ARHGEF10L: variants seen among roughly 807,000 people sequenced by gnomAD.
ARHGEF10L encodes Rho guanine nucleotide exchange factor 10 like.
A neutral mutation model predicts 141.2 loss-of-function variants in ARHGEF10L; 69 were observed. The observed-to-expected ratio is 0.49, with a 90% CI of 0.40 to 0.60. The LOEUF is 0.60. ARHGEF10L is among the 20% of genes least tolerant of loss of function. The pLI, the probability that ARHGEF10L is intolerant of heterozygous loss-of-function variation, is 0.00. For synonymous variants in ARHGEF10L, 711 were observed against 718.5 expected (o/e 0.99, Z 0.17); for missense variants, 1,482 against 1,734.3 (o/e 0.85, Z 2.58).
intron 21 of ARHGEF10L, among the ~76,000 whole-genome samples, chr1:17,643,597 G>C (rs910493219): frequency 1.3e-5 from 2 of 152,202 alleles, no homozygotes; most frequent in Non-Finnish European, 2.9e-5. Flanking sequence ...AGACCATGTG[G>C]GTTCCGTTCC....
the ARHGEF10L span, among the ~76,000 whole-genome samples, chr1:17,524,823 T>C: frequency 6.6e-6 from 1 of 152,106 alleles, no homozygotes. Flanking sequence ...CGAGAAGCAG[T>C]GAACAGGTTT....
Position 17,632,476 on chromosome 1 carries a change from C to T in ARHGEF10L, c.1730+10C>T, listed in dbSNP as rs370876753. On this transcript the variant is annotated intron_variant, in intron 16 of 28. Transcript: ENST00000361221. ...CCAACATCAACTTCAAGTAAGTGGG[C>T]CTGGGTTGGAGGGGGCAATCACCCC... The T allele has an allele frequency of 3.7e-6, 6 of 1,613,854 alleles. No homozygotes were observed. In the African/African-American group the frequency reaches 8.0e-5, roughly 22 times the overall value.
Position 17,603,704 on chromosome 1 carries a change from T to A in ARHGEF10L, c.433+113T>A. On this transcript the variant is annotated intron_variant, in intron 6 of 28. Coordinates refer to ENST00000361221, the MANE Select transcript of ARHGEF10L (RefSeq NM_018125.4). The surrounding 1 kb of genome is among the most constrained non-coding windows in gnomAD (Gnocchi z 4.8). Reference sequence around the variant, plus strand: ...CTGTCCCCACCTGGCCAAGTGCCCCTCCTTCTTGTCTTTAGAAACAACTGT... The same window carrying A: ...CTGTCCCCACCTGGCCAAGTGCCCCACCTTCTTGTCTTTAGAAACAACTGT... The A allele has an allele frequency of 2.1e-6, 2 of 939,416 alleles. No individual in the cohort carries two copies. Among genetic ancestry groups the A allele is most frequent in the Non-Finnish European group, 3.1e-6 (2 of 654,470 alleles). The allele number at this position is 939,416 out of a possible 1,614,324, so 58.2% of individuals were successfully genotyped here.
chr1:17,697,646 C>T lies in ARHGEF10L; in HGVS notation c.*266C>T. 1 of 610,738 alleles carries T rather than the reference C, an allele frequency of 1.6e-6. No homozygotes were observed. Among genetic ancestry groups the T allele is most frequent in the Non-Finnish European group, 3.0e-6 (1 of 328,164 alleles). The allele number at this position is 610,738 out of a possible 1,614,324, so 37.8% of individuals were successfully genotyped here. Reference sequence around the variant, plus strand: ...CAAAAAACACAAAACCTCACAACTGCCTGGCAAGCCCAGTATCACTTGTTT... The same window carrying T: ...CAAAAAACACAAAACCTCACAACTGTCTGGCAAGCCCAGTATCACTTGTTT... On this transcript the variant is annotated 3_prime_UTR_variant, in exon 29 of 29. Transcript: ENST00000361221. The surrounding 1 kb of genome is among the most constrained non-coding windows in gnomAD (Gnocchi z 4.8).
At chr1:17,681,725 G>GGATC (rs1452474320) in intron 26 of ARHGEF10L, among the ~76,000 whole-genome samples, 2 of 152,178 alleles carry the variant, frequency 1.3e-5, no homozygotes, top group African/African-American at 4.8e-5. Context: ...AGCGTCGGCT[G>GGATC]GATCTCTCCT....
intron 28 of ARHGEF10L, among the ~76,000 whole-genome samples, 164 bp downstream of exon 28, chr1:17,695,444 C>T (rs901696730): frequency 2.6e-5 from 4 of 152,216 alleles, no homozygotes; most frequent in South Asian, 2.1e-4. Context: ...AGAACTGAAT[C>T]GTCCTGGCCC....
chr1:17,667,033 C>T (rs2063027848), intron 26 of ARHGEF10L, among the ~76,000 whole-genome samples: 1 of 152,188 alleles, frequency 6.6e-6, no homozygotes, highest in African/African-American at 2.4e-5. Flanking sequence ...CCCAGTAGCC[C>T]CCAAGTGTCT....
upstream of ARHGEF10L, among the ~76,000 whole-genome samples, chr1:17,535,470 G>C (rs1347703081): frequency 2.0e-5 from 3 of 152,236 alleles, no homozygotes; most frequent in African/African-American, 4.8e-5. Context: ...AGCGGGGCCA[G>C]ACTGGGAGGC....
intron 25 of ARHGEF10L, among the ~76,000 whole-genome samples, chr1:17,661,807 C>T (rs1571346814): frequency 6.6e-6 from 1 of 152,358 alleles, no homozygotes; most frequent in East Asian, 1.9e-4. Flanking sequence ...CTGCTGTGGA[C>T]CAGCATCCCT....
At chr1:17,598,959 T>C (rs932807051) in intron 4 of ARHGEF10L, among the ~76,000 whole-genome samples, 1 of 152,050 alleles carries the variant, frequency 6.6e-6, no homozygotes, top group African/African-American at 2.4e-5. Context: ...ATTAGCTGAG[T>C]GATTTCTGGG....
In ARHGEF10L at chr1:17,697,621, C is replaced by G. The variant is rs1457118867; in HGVS notation, c.*241C>G. 3 of 656,318 alleles carry G rather than the reference C, an allele frequency of 4.6e-6. No individual in the cohort carries two copies. Among genetic ancestry groups the G allele is most frequent in the Non-Finnish European group, 8.4e-6 (3 of 358,020 alleles). 40.7% of individuals were successfully genotyped at this position (656,318 alleles called of 1,614,324 possible). ...GAGGAAATGGCCTTCTTTTTAAAAG[C>G]AAAAAACACAAAACCTCACAACTGC... On this transcript the variant is annotated 3_prime_UTR_variant, in exon 29 of 29. Transcript: ENST00000361221. This position sits in a 1 kb window ranked among gnomAD's most constrained non-coding sequence, Gnocchi z 4.8.
rs1370118515 is a variant in ARHGEF10L at position 17,603,201 on chromosome 1, C to A, written c.350-307C>A. Among the ~76,000 whole-genome samples, 1 of 151,568 alleles carries A rather than the reference C, an allele frequency of 6.6e-6. No individual in the cohort carries two copies. Among genetic ancestry groups the A allele is most frequent in the African/African-American group, 2.4e-5 (1 of 41,218 alleles). ...GGGCCAGGGCACAGGTGCTGGACTG[C>A]GTCATGCTCCCTGCAGGGGCCGGGA... On this transcript the variant is annotated intron_variant, in intron 5 of 28. Coordinates refer to ENST00000361221, the MANE Select transcript of ARHGEF10L (RefSeq NM_018125.4). This position sits in a 1 kb window ranked among gnomAD's most constrained non-coding sequence, Gnocchi z 4.8.
chr1:17,684,624 A>T (rs989552545), intron 26 of ARHGEF10L, among the ~76,000 whole-genome samples: 3 of 152,156 alleles, frequency 2.0e-5, no homozygotes, highest in South Asian at 4.1e-4. Flanking sequence ...GAGCATGCCC[A>T]GCTTGATACA....
chr1:17,685,680 A>C (rs1380224000), intron 26 of ARHGEF10L, among the ~76,000 whole-genome samples: 1 of 152,246 alleles, frequency 6.6e-6, no homozygotes. Flanking sequence ...ACTTACACCC[A>C]CACCAGACAC....
At chr1:17,608,069 G>A in intron 7 of ARHGEF10L, 92 bp downstream of exon 7, 1 of 1,265,600 alleles carries the variant, frequency 7.9e-7, no homozygotes, top group Admixed American at 3.8e-5. Context: ...GTGAGGGCCA[G>A]GCCTAGGACT....
chr1:17,537,714 G>C (rs1277405622), upstream of ARHGEF10L, among the ~76,000 whole-genome samples: 1 of 151,942 alleles, frequency 6.6e-6, no homozygotes, highest in Non-Finnish European at 1.5e-5. Flanking sequence ...AGGATCAGAT[G>C]GGAAATAAGA....
chr1:17,659,698 T>C (rs2062492064), intron 25 of ARHGEF10L, among the ~76,000 whole-genome samples: 4 of 152,156 alleles, frequency 2.6e-5, no homozygotes, highest in Admixed American at 2.6e-4. Context: ...CTCCATGAAA[T>C]ATTTGCTGGT....
Position 17,558,450 on chromosome 1 carries a change from CCA to C in ARHGEF10L, c.-44+18501_-44+18502del, listed in dbSNP as rs2077426772. Among the ~76,000 whole-genome samples the C allele has an allele frequency of 6.6e-6, 1 of 152,214 alleles. No homozygotes were observed. Among genetic ancestry groups the C allele is most frequent in the Non-Finnish European group, 1.5e-5 (1 of 68,040 alleles). On this transcript the variant is annotated intron_variant, in intron 1 of 28. Transcript: ENST00000361221. This position sits in a 1 kb window ranked among gnomAD's most constrained non-coding sequence, Gnocchi z 4.2. ...AGAAAACTAAGCAAATGATTCCAGT[CCA>C]GAGTGTTAGGTGCCCAGAGGGACAA...
intron 1 of ARHGEF10L, among the ~76,000 whole-genome samples, chr1:17,543,474 T>G (rs2076803787): frequency 6.6e-6 from 1 of 151,714 alleles, no homozygotes; most frequent in African/African-American, 2.4e-5. Context: ...TCCCAGCTAC[T>G]CGGGAGTCTG....
Sources: gnomAD v4.1 joint callset for allele counts (sites outside exome capture counted in the v4.1 genomes callset) on GRCh38, gnomAD v4.1.1 for gene constraint, Gnocchi (gnomAD v3.1) non-coding constraint, MANE v1.5 for transcripts, NCBI Gene and HGNC (gene_info 2026-07-23, HGNC 2026-07-21) for gene names.